The following KCND3 variants were observed in gnomAD, a reference collection of about 807,000 sequenced individuals.
The protein encoded by KCND3 is potassium voltage-gated channel subfamily D member 3.
KCND3 carries 9 observed loss-of-function variants against 51.1 expected under a neutral mutation model. The observed-to-expected ratio is 0.18, with a 90% CI of 0.11 to 0.31. The LOEUF is 0.31. Ranked by LOEUF, KCND3 falls within the 10% of genes least tolerant of loss-of-function variation. The pLI is 1.00. For synonymous variants in KCND3, 349 were observed against 368.0 expected, an observed-to-expected ratio of 0.95 and a Z score of 0.59; for missense variants, 526 against 903.8, an observed-to-expected ratio of 0.58 and a Z score of 5.36.
chr1:111,944,466 C>T (rs1213895204), intron 2 of KCND3, among the ~76,000 whole-genome samples: 1 of 152,230 alleles, frequency 6.6e-6, no homozygotes, highest in Non-Finnish European at 1.5e-5. Flanking sequence ...CTCCGTCTGG[C>T]CCAAGACTCC....
chr1:111,895,780 C>T (rs981708304), intron 2 of KCND3, among the ~76,000 whole-genome samples: 1 of 152,254 alleles, frequency 6.6e-6, no homozygotes, highest in Admixed American at 6.5e-5. Context: ...CAGGAAGCTT[C>T]AGCGGAAACG....
intron 2 of KCND3, among the ~76,000 whole-genome samples, chr1:111,893,301 G>A (rs1050822535): frequency 1.3e-5 from 2 of 152,166 alleles, no homozygotes; most frequent in African/African-American, 2.4e-5. Context: ...GACACTTGAC[G>A]GAGAAGGTGA....
At chr1:111,975,741 G>A (rs944509856) in intron 2 of KCND3, among the ~76,000 whole-genome samples, 16 of 152,116 alleles carry the variant, frequency 1.1e-4, no homozygotes, top group Non-Finnish European at 2.9e-5. Context: ...TCATCTCCTG[G>A]TACTCTCCTG....
intron 2 of KCND3, among the ~76,000 whole-genome samples, chr1:111,869,286 A>T (rs1668730319): frequency 6.6e-6 from 1 of 152,208 alleles, no homozygotes; most frequent in Non-Finnish European, 1.5e-5. Context: ...ACAGAAACAG[A>T]GCTCCTAGAG....
chr1:111,811,251 T>A (rs1490197983), intron 2 of KCND3, among the ~76,000 whole-genome samples: 2 of 152,154 alleles, frequency 1.3e-5, no homozygotes, highest in African/African-American at 4.8e-5. Flanking sequence ...GCTTACTGAG[T>A]GGGGCAACAG....
chr1:111,962,189 A>G (rs142890660), intron 2 of KCND3, among the ~76,000 whole-genome samples: 1 of 152,362 alleles, frequency 6.6e-6, no homozygotes, highest in Non-Finnish European at 1.5e-5. Context: ...AGAAAAAGAA[A>G]GTGAGGTTCA....
chr1:111,876,758 G>C (rs1038418781), intron 2 of KCND3, among the ~76,000 whole-genome samples: 2 of 152,214 alleles, frequency 1.3e-5, no homozygotes, highest in South Asian at 4.1e-4. Flanking sequence ...GGCAAGAAGA[G>C]GGGGGAAGAG....
intron 2 of KCND3, among the ~76,000 whole-genome samples, chr1:111,907,863 CCA>C (rs1670719973): frequency 6.6e-6 from 1 of 152,224 alleles, no homozygotes; most frequent in South Asian, 2.1e-4. Context: ...AGCTCTTCTA[CCA>C]GCTTTTTAAC....
intron 7 of KCND3, among the ~76,000 whole-genome samples, chr1:111,776,768 GTA>G (rs1181597060): frequency 6.6e-6 from 1 of 151,650 alleles, no homozygotes; most frequent in South Asian, 2.1e-4. Flanking sequence ...TATTTTATAT[GTA>G]TATATATAAT....
chr1:111,825,257 T>G (rs1313495581), intron 2 of KCND3, among the ~76,000 whole-genome samples: 1 of 152,220 alleles, frequency 6.6e-6, no homozygotes, highest in Non-Finnish European at 1.5e-5. Flanking sequence ...TCTATGACAC[T>G]GTTAGTATTT....
intron 2 of KCND3, among the ~76,000 whole-genome samples, chr1:111,855,493 T>A (rs1039267547): frequency 6.6e-6 from 1 of 152,236 alleles, no homozygotes; most frequent in Non-Finnish European, 1.5e-5. Context: ...CTTATGCTAA[T>A]GACCACATAC....
At chr1:111,939,479 G>A (rs1490706613) in intron 2 of KCND3, among the ~76,000 whole-genome samples, 1 of 152,116 alleles carries the variant, frequency 6.6e-6, no homozygotes, top group Non-Finnish European at 1.5e-5. Context: ...AACATTCTGT[G>A]TTTGGTTTTC....
intron 2 of KCND3, among the ~76,000 whole-genome samples, chr1:111,819,283 G>A (rs1666243943): frequency 6.6e-6 from 1 of 152,050 alleles, no homozygotes; most frequent in Non-Finnish European, 1.5e-5. Flanking sequence ...TACCTGGATA[G>A]TAGAAGTGAA....
rs1307673647 is a variant in KCND3 at position 111,772,910 on chromosome 1, G to A, written c.*3167C>T. 1 of 152,158 alleles carries A rather than the reference G, an allele frequency of 6.6e-6. No homozygotes were observed. 9.4% of individuals were successfully genotyped at this position (152,158 alleles called of 1,614,324 possible). ...GCCCCCAGAAAATCCTGATATCCTG[G>A]TTTTTCAGTCACTGGCCAATGAGTT... On this transcript the variant is annotated 3_prime_UTR_variant, in exon 8 of 8. Transcript: ENST00000302127.
intron 2 of KCND3, among the ~76,000 whole-genome samples, chr1:111,930,618 C>T (rs1671921167): frequency 6.6e-6 from 1 of 151,818 alleles, no homozygotes; most frequent in East Asian, 1.9e-4. Flanking sequence ...CAACCCCCTT[C>T]TCAGTAACCA....
At chr1:111,776,329 A>C (rs1175935824) in intron 7 of KCND3, 51 bp from the exon 8 acceptor site, 1 of 1,560,150 alleles carries the variant, frequency 6.4e-7, no homozygotes, top group Non-Finnish European at 8.8e-7. Flanking sequence ...CCAGCGTCCC[A>C]AAGCTTCCTT....
At position 111,889,489 on chromosome 1, in the gene KCND3, T is replaced by C. The variant is rs185693501; in HGVS notation, c.1106+92132A>G. Among the ~76,000 whole-genome samples the C allele has an allele frequency of 5.9e-4, 90 of 152,364 alleles. 1 individual carries two copies. Among genetic ancestry groups the C allele is most frequent in the East Asian group, 2.5e-3 (13 of 5,186 alleles). On this transcript the variant is annotated intron_variant, in intron 2 of 7. Transcript: ENST00000302127. Reference sequence around the variant, plus strand: ...TTGAGCTTCTAGTAAAGGAAGGTTCTAGTAAAGGAAGATTCACTTAAATAG... The same window carrying C: ...TTGAGCTTCTAGTAAAGGAAGGTTCCAGTAAAGGAAGATTCACTTAAATAG...
intron 2 of KCND3, among the ~76,000 whole-genome samples, chr1:111,803,483 T>C (rs947830524): frequency 6.6e-5 from 10 of 152,066 alleles, no homozygotes; most frequent in Non-Finnish European, 1.2e-4. Flanking sequence ...TGTGTGTGTG[T>C]TTGTGTAAAA....
At chr1:111,842,620 G>A (rs528097990) in intron 2 of KCND3, among the ~76,000 whole-genome samples, 132 of 152,358 alleles carry the variant, frequency 8.7e-4, no homozygotes, top group African/African-American at 2.8e-3. Context: ...GGAGCTCCAC[G>A]GAGTAGCTAA....
Sources: allele counts gnomAD v4.1 joint callset (sites outside exome capture counted in the v4.1 genomes callset), GRCh38; gene constraint gnomAD v4.1.1; transcripts MANE v1.5; gene names NCBI Gene and HGNC (gene_info 2026-07-23, HGNC 2026-07-21).